The following AFG2A variants were observed in gnomAD, a reference collection of about 807,000 sequenced individuals.
The protein encoded by AFG2A is AAA ATPase AFG2A.
chr4:123,176,466 C>T, the AFG2A span, among the ~76,000 whole-genome samples: 1,506 of 152,202 alleles, frequency 9.9e-3, 37 homozygotes, highest in African/African-American at 0.034. Flanking sequence ...TTAAAAAGGG[C>T]TTACAGCAAG....
the AFG2A span, among the ~76,000 whole-genome samples, chr4:123,051,826 C>T: frequency 6.6e-6 from 1 of 151,940 alleles, no homozygotes; most frequent in Admixed American, 6.6e-5. Context: ...TTGGATCTCC[C>T]TTATATGTTA....
the AFG2A span, among the ~76,000 whole-genome samples, chr4:123,122,773 G>GTTTTTTTTTTT: frequency 2.9e-5 from 4 of 140,080 alleles, no homozygotes; most frequent in African/African-American, 2.7e-5. Flanking sequence ...CATGTCATCT[G>GTTTTTTTTTTT]TTTTTTTGTT....
At chr4:123,238,720 G>C in the AFG2A span, among the ~76,000 whole-genome samples, 1 of 152,198 alleles carries the variant, frequency 6.6e-6, no homozygotes, top group Non-Finnish European at 1.5e-5. Flanking sequence ...AAACCACAAA[G>C]ATGGGGAGAA....
the AFG2A span, among the ~76,000 whole-genome samples, chr4:123,044,486 A>G: frequency 6.6e-6 from 1 of 152,210 alleles, no homozygotes; most frequent in African/African-American, 2.4e-5. Context: ...TTTTCTATCC[A>G]AGCTTCACCA....
the AFG2A span, among the ~76,000 whole-genome samples, chr4:123,220,933 G>A: frequency 6.6e-5 from 10 of 152,102 alleles, no homozygotes; most frequent in African/African-American, 9.7e-5. Context: ...ATACATGAAC[G>A]ACATAGGACA....
chr4:122,983,024 C>T, the AFG2A span, among the ~76,000 whole-genome samples: 12 of 151,922 alleles, frequency 7.9e-5, no homozygotes, highest in Admixed American at 7.2e-4. Context: ...CCCGCCACAA[C>T]GCCCAGCTAA....
At chr4:123,226,121 A>T in the AFG2A span, among the ~76,000 whole-genome samples, 4 of 152,070 alleles carry the variant, frequency 2.6e-5, no homozygotes. Context: ...GCTGAGACGA[A>T]GGGGTTTTCT....
chr4:123,236,291 T>G, the AFG2A span, among the ~76,000 whole-genome samples: 3 of 152,200 alleles, frequency 2.0e-5, no homozygotes, highest in Admixed American at 6.5e-5. Context: ...CATAAGCCAC[T>G]GTGTCATCAT....
chr4:123,045,547 G>C, the AFG2A span, among the ~76,000 whole-genome samples: 1 of 152,158 alleles, frequency 6.6e-6, no homozygotes, highest in Non-Finnish European at 1.5e-5. Context: ...GTAGATTACA[G>C]GGTAGTTATT....
At chr4:123,062,022 C>T in the AFG2A span, among the ~76,000 whole-genome samples, 3 of 152,156 alleles carry the variant, frequency 2.0e-5, no homozygotes, top group African/African-American at 7.2e-5. Context: ...AGAAACCAGA[C>T]AAGGCACTTT....
chr4:123,203,146 A>G, the AFG2A span, among the ~76,000 whole-genome samples: 1 of 149,674 alleles, frequency 6.7e-6, no homozygotes, highest in Non-Finnish European at 1.5e-5. Context: ...GTATGTATCA[A>G]TAGTTGTACT....
At chr4:123,303,882 G>A in the AFG2A span, among the ~76,000 whole-genome samples, 2 of 149,520 alleles carry the variant, frequency 1.3e-5, no homozygotes, top group African/African-American at 2.5e-5. Context: ...ATTTTCTTAT[G>A]TATGGCATCC....
At chr4:123,235,576 G>A in the AFG2A span, among the ~76,000 whole-genome samples, 1 of 152,178 alleles carries the variant, frequency 6.6e-6, no homozygotes, top group Non-Finnish European at 1.5e-5. Flanking sequence ...CTTTGCTAAA[G>A]ATAGAATAAG....
the AFG2A span, among the ~76,000 whole-genome samples, chr4:123,006,415 A>G: frequency 5.3e-3 from 801 of 151,972 alleles, 7 homozygotes; most frequent in African/African-American, 0.018. Flanking sequence ...TTCATCTTGT[A>G]TATTTGAGCT....
At chr4:123,004,206 T>C in the AFG2A span, among the ~76,000 whole-genome samples, 2 of 152,324 alleles carry the variant, frequency 1.3e-5, no homozygotes, top group Middle Eastern at 6.8e-3. Flanking sequence ...CCAGGTGCCC[T>C]CTGTTACCCC....
At chr4:123,237,489 A>G in the AFG2A span, among the ~76,000 whole-genome samples, 2 of 151,986 alleles carry the variant, frequency 1.3e-5, no homozygotes, top group African/African-American at 4.8e-5. Flanking sequence ...CCTGGCCAAC[A>G]TGGTGAAACT....
chr4:123,316,190 C>T, the AFG2A span: 1 of 152,186 alleles, frequency 6.6e-6, no homozygotes, highest in African/African-American at 2.4e-5. Flanking sequence ...AGTACATAAA[C>T]CCACCTAGGG....
chr4:123,002,468 C>T, the AFG2A span, among the ~76,000 whole-genome samples: 268 of 152,146 alleles, frequency 1.8e-3, 1 homozygote, highest in African/African-American at 5.8e-3. Context: ...ATGTTTAGTG[C>T]TTCCTTCAGG....
chr4:123,050,767 C>T, the AFG2A span, among the ~76,000 whole-genome samples: 1 of 147,392 alleles, frequency 6.8e-6, no homozygotes, highest in Non-Finnish European at 1.5e-5. Context: ...GATGGAGTCT[C>T]GCTCTTTCGC....
Sources: allele counts gnomAD v4.1 joint callset (sites outside exome capture counted in the v4.1 genomes callset), GRCh38; gene constraint gnomAD v4.1.1; transcripts MANE v1.5; gene names NCBI Gene and HGNC (gene_info 2026-07-23, HGNC 2026-07-21).